Variants in AMOTL1 observed in about 807,000 individuals in gnomAD.
AMOTL1 encodes the protein angiomotin-like protein 1.
A neutral mutation model predicts 102.9 loss-of-function variants in AMOTL1; 45 were observed. The observed-to-expected ratio is 0.44, with a 90% CI of 0.34 to 0.56. The LOEUF (loss-of-function observed/expected upper bound fraction) is 0.56, where lower values mean the gene tolerates loss of function less well. Among genes scored for constraint, AMOTL1 ranks in the 20% least tolerant of loss-of-function variants. The pLI, the probability that AMOTL1 is intolerant of heterozygous loss-of-function variation, is 0.01. For synonymous variants in AMOTL1, 481 were observed against 484.7 expected, an observed-to-expected ratio of 0.99 and a Z score of 0.10; for missense variants, 1,114 against 1,225.6, an observed-to-expected ratio of 0.91 and a Z score of 1.36.
intron 3 of AMOTL1, among the ~76,000 whole-genome samples, chr11:94,752,297 C>T (rs1396644918): frequency 6.6e-6 from 1 of 152,156 alleles, no homozygotes; most frequent in Non-Finnish European, 1.5e-5. Context: ...CTCCCTCCTC[C>T]TTTTTCCATC....
At chr11:94,715,484 G>T (rs947444788) in intron 1 of AMOTL1, among the ~76,000 whole-genome samples, 4 of 152,078 alleles carry the variant, frequency 2.6e-5, no homozygotes, top group African/African-American at 9.6e-5. Flanking sequence ...GCCTTCCTTT[G>T]TTCTCACCTT....
At chr11:94,750,613 C>T (rs2135489039) in intron 3 of AMOTL1, among the ~76,000 whole-genome samples, 1 of 152,306 alleles carries the variant, frequency 6.6e-6, no homozygotes, top group Middle Eastern at 3.4e-3. Context: ...CCCTGCCTTG[C>T]TCCCGTGATG....
intron 6 of AMOTL1, among the ~76,000 whole-genome samples, chr11:94,832,097 T>C (rs1318054053): frequency 6.6e-6 from 1 of 152,250 alleles, no homozygotes; most frequent in Non-Finnish European, 1.5e-5. Context: ...GAGAATATTT[T>C]ATTAATTTTA....
chr11:94,720,282 A>G (rs1202363150), intron 1 of AMOTL1, among the ~76,000 whole-genome samples: 7 of 152,102 alleles, frequency 4.6e-5, no homozygotes, highest in Admixed American at 3.3e-4. Context: ...TCAGCATATA[A>G]AGGATTCTTG....
upstream of AMOTL1, among the ~76,000 whole-genome samples, chr11:94,767,289 C>T (rs530445250): frequency 4.6e-5 from 7 of 152,218 alleles, no homozygotes; most frequent in South Asian, 1.4e-3. Context: ...TAAATGATTA[C>T]ATTTGGGCTT....
intron 9 of AMOTL1, among the ~76,000 whole-genome samples, chr11:94,862,730 A>G (rs929903822): frequency 1.5e-4 from 23 of 152,228 alleles, no homozygotes; most frequent in Non-Finnish European, 2.8e-4. Context: ...TTCCAGCTCC[A>G]TGTAAAGTCT....
At chr11:94,847,279 G>A (rs2135703136) in intron 6 of AMOTL1, among the ~76,000 whole-genome samples, 1 of 152,282 alleles carries the variant, frequency 6.6e-6, no homozygotes, top group South Asian at 2.1e-4. Flanking sequence ...GCTTGTAAGC[G>A]AGCAGTGGGT....
chr11:94,872,861 G>A lies in AMOTL1; in HGVS notation c.*2066G>A, dbSNP rs907617671. On this transcript the variant is annotated 3_prime_UTR_variant, in exon 13 of 13. Coordinates refer to ENST00000433060, the MANE Select transcript of AMOTL1 (RefSeq NM_130847.3). ...TTGAGGATGGACATGGGTGGGGAGAGGGCATAGACATCCCTTCCTAATCTC... is the reference window on the plus strand; with the variant it reads ...TTGAGGATGGACATGGGTGGGGAGAAGGCATAGACATCCCTTCCTAATCTC... The A allele has an allele frequency of 1.3e-5, 2 of 152,188 alleles. No individual in the cohort carries two copies. The highest frequency in any genetic ancestry group is 2.9e-5 in the Non-Finnish European group (2 of 68,076). 9.4% of individuals were successfully genotyped at this position (152,188 alleles called of 1,614,324 possible).
intron 2 of AMOTL1, among the ~76,000 whole-genome samples, chr11:94,733,381 G>A (rs1216775529): frequency 1.3e-5 from 2 of 152,300 alleles, no homozygotes; most frequent in South Asian, 2.1e-4. Context: ...TTCAACTGTC[G>A]TTTTACAGAG....
Position 94,838,546 on chromosome 11 carries a change from C to T in AMOTL1, c.1648+7005C>T, listed in dbSNP as rs78762799. ...CCTGTTCTAATAAAAACCTTATTTA[C>T]CAAAACAGGCTGTGGGCTGGGTTTG... is the stretch of plus-strand genomic sequence containing the variant. On this transcript the variant is annotated intron_variant, in intron 6 of 12. Coordinates refer to ENST00000433060, the MANE Select transcript of AMOTL1 (RefSeq NM_130847.3). Among the ~76,000 whole-genome samples, 1,016 of 152,242 alleles carry T rather than the reference C, an allele frequency of 6.7e-3. 11 individuals carry two copies. The highest frequency in any genetic ancestry group is 0.01 in the Non-Finnish European group (704 of 68,006).
intron 1 of AMOTL1, among the ~76,000 whole-genome samples, chr11:94,710,108 GGCTCT>G (rs1949999129): frequency 6.6e-6 from 1 of 152,092 alleles, no homozygotes; most frequent in Non-Finnish European, 1.5e-5. Context: ...CCTCATACAA[GGCTCT>G]GCTGAAGATC....
At chr11:94,861,770 G>C (rs117100191) in intron 9 of AMOTL1, among the ~76,000 whole-genome samples, 12 of 152,316 alleles carry the variant, frequency 7.9e-5, no homozygotes, top group African/African-American at 2.2e-4. Context: ...TTGTTTCAGC[G>C]TCTGTGGGTT....
At chr11:94,719,154 T>A (rs1223716212) in intron 1 of AMOTL1, among the ~76,000 whole-genome samples, 1 of 152,088 alleles carries the variant, frequency 6.6e-6, no homozygotes, top group Non-Finnish European at 1.5e-5. Context: ...AAATGCCAAT[T>A]TTTTTCATAT....
intron 6 of AMOTL1, among the ~76,000 whole-genome samples, chr11:94,834,493 G>A (rs990349519): frequency 2.0e-5 from 3 of 152,150 alleles, no homozygotes; most frequent in Non-Finnish European, 2.9e-5. Flanking sequence ...GTGGGGCGCT[G>A]AGGCAGAAGA....
At position 94,740,893 on chromosome 11, in the gene AMOTL1, G is replaced by A. The variant is rs546277130; in HGVS notation, c.86-45G>A. 7.2e-5 allele frequency: 92 copies of A among 1,285,110 alleles called. No homozygotes were observed. In the African/African-American group the frequency reaches 1.2e-3, roughly 17 times the overall value. The allele number at this position is 1,285,110 out of a possible 1,614,324, so 79.6% of individuals were successfully genotyped here. A position where few individuals can be genotyped will look rare whatever the true frequency, so the allele number is the denominator to read the frequency against. ...GCTGGTGCTTGTGCGGGTTCGTCCT[G>A]AATGGTAGCGATTCGAGTTGTTTTC... On this transcript the variant is annotated intron_variant, in intron 2 of 4. Coordinates refer to the AMOTL1 transcript ENST00000299004.
chr11:94,831,335 G>A lies in AMOTL1; in HGVS notation c.1559-117G>A, dbSNP rs954258920. ...GTCTGTCCCCAAGTTGTTCAGTTTT[G>A]GGCTCCTGCCTGAGCATCTCTTCCT... On this transcript the variant is annotated intron_variant, in intron 5 of 12. Transcript: ENST00000433060. The A allele has an allele frequency of 4.1e-6, 3 of 728,678 alleles. No homozygotes were observed. The African/African-American group carries it at 5.3e-5, about 13-fold the overall frequency. 45.1% of individuals were successfully genotyped at this position (728,678 alleles called of 1,614,324 possible). A position where few individuals can be genotyped will look rare whatever the true frequency, so the allele number is the denominator to read the frequency against.
intron 2 of AMOTL1, among the ~76,000 whole-genome samples, chr11:94,736,347 G>A (rs927111068): frequency 1.3e-5 from 2 of 152,196 alleles, no homozygotes; most frequent in Non-Finnish European, 2.9e-5. Flanking sequence ...TGCCTCACGG[G>A]TTCAAGCGAT....
In AMOTL1 at chr11:94,875,008, G is replaced by A. The variant is rs2135755463; in HGVS notation, c.*4213G>A. The A allele has an allele frequency of 6.6e-6, 1 of 152,320 alleles. No individual in the cohort carries two copies. The highest frequency in any genetic ancestry group is 3.4e-3 in the Middle Eastern group (1 of 294). 9.4% of individuals were successfully genotyped at this position (152,320 alleles called of 1,614,324 possible). ...CCATAGTCAGTGGGATCCCACAAATGTTCTTAAATGGGTAAGGCTTTAAGT... is the reference window on the plus strand; with the variant it reads ...CCATAGTCAGTGGGATCCCACAAATATTCTTAAATGGGTAAGGCTTTAAGT... On this transcript the variant is annotated 3_prime_UTR_variant, in exon 13 of 13. Coordinates refer to ENST00000433060, the MANE Select transcript of AMOTL1 (RefSeq NM_130847.3).
intron 2 of AMOTL1, among the ~76,000 whole-genome samples, chr11:94,731,233 T>C (rs1950345572): frequency 1.3e-5 from 2 of 152,306 alleles, no homozygotes; most frequent in Admixed American, 1.3e-4. Context: ...CTGGTTCCAG[T>C]TCAGATAATC....
Sources: allele counts gnomAD v4.1 joint callset (sites outside exome capture counted in the v4.1 genomes callset), GRCh38; gene constraint gnomAD v4.1.1; transcripts MANE v1.5; gene names NCBI Gene and HGNC (gene_info 2026-07-23, HGNC 2026-07-21).